The following CTNNA2 variants were observed in gnomAD, a reference collection of about 807,000 sequenced individuals.
CTNNA2 encodes the protein catenin alpha 2, also known as catenin alpha-2.
In CTNNA2, 42 loss-of-function variants were observed where a neutral mutation model predicts 101.0. The ratio of observed to expected loss-of-function variants is 0.42; its 90% CI spans 0.32 to 0.54. The LOEUF (loss-of-function observed/expected upper bound fraction) is 0.54, where lower values mean the gene tolerates loss of function less well. Among genes scored for constraint, CTNNA2 ranks in the 20% least tolerant of loss-of-function variants. CTNNA2 has a pLI of 0.14. For synonymous variants in CTNNA2, 450 were observed against 456.4 expected (o/e 0.99, Z 0.18); for missense variants, 871 against 1,223.1 (o/e 0.71, Z 4.29).
intron 18 of CTNNA2, among the ~76,000 whole-genome samples, chr2:80,642,942 G>A (rs1277746898): frequency 6.6e-6 from 1 of 152,120 alleles, no homozygotes; most frequent in African/African-American, 2.4e-5. Flanking sequence ...GTATTAAGAA[G>A]AGTAGGAATA....
At chr2:79,774,699 C>G (rs976970481) in intron 3 of CTNNA2, among the ~76,000 whole-genome samples, 2 of 152,076 alleles carry the variant, frequency 1.3e-5, no homozygotes, top group African/African-American at 4.8e-5. Flanking sequence ...TTGTGAATAT[C>G]CACAAAACAG....
intron 7 of CTNNA2, among the ~76,000 whole-genome samples, chr2:80,344,875 A>G (rs999664389): frequency 6.6e-6 from 1 of 152,102 alleles, no homozygotes; most frequent in Non-Finnish European, 1.5e-5. Context: ...TTATCCCAAA[A>G]GCCTTGGGGT....
chr2:79,743,410 TAGAAAA>T (rs1671429778), intron 2 of CTNNA2, among the ~76,000 whole-genome samples: 1 of 152,152 alleles, frequency 6.6e-6, no homozygotes, highest in African/African-American at 2.4e-5. Context: ...TTATGATACT[TAGAAAA>T]AGAGTAATAA....
intron 3 of CTNNA2, among the ~76,000 whole-genome samples, chr2:79,806,619 G>A (rs1236545118): frequency 1.3e-5 from 2 of 151,968 alleles, no homozygotes; most frequent in African/African-American, 4.8e-5. Flanking sequence ...CTCCTCCCAT[G>A]TTCTCTGGAT....
rs189388851 is a variant in CTNNA2 at position 79,268,266 on chromosome 2, C to G, written c.-405-44443C>G. Among the ~76,000 whole-genome samples the G allele has an allele frequency of 1.3e-4, 20 of 152,196 alleles. No individual in the cohort carries two copies. The East Asian group carries it at 3.9e-3, about 30-fold the overall frequency. On this transcript the variant is annotated intron_variant, in intron 2 of 21. Coordinates refer to the CTNNA2 transcript ENST00000466387. ...ATAATGGTCAGCAAGATCAGAATAA[C>G]AGAGAGGAATCTCTAGTCTGCTGGA...
chr2:79,568,935 G>A (rs954061483), intron 1 of CTNNA2, among the ~76,000 whole-genome samples: 1 of 150,262 alleles, frequency 6.7e-6, no homozygotes, highest in Non-Finnish European at 1.5e-5. Flanking sequence ...TGAGGAGGCT[G>A]ATACGGGAGG....
chr2:79,598,636 G>A (rs951785842), intron 1 of CTNNA2, among the ~76,000 whole-genome samples: 18 of 151,994 alleles, frequency 1.2e-4, no homozygotes, highest in African/African-American at 4.4e-4. Flanking sequence ...AAGGTCTTTG[G>A]CCAATTTTTA....
In CTNNA2 at chr2:79,253,814, T is replaced by C. The variant is rs188694759; in HGVS notation, c.-406+55738T>C. On this transcript the variant is annotated intron_variant, in intron 2 of 21. Coordinates refer to the CTNNA2 transcript ENST00000466387. ...TTTTACTGGGAATAAAAGAAGAGCA[T>C]GTGTATTTGTCGGTGATAGAGTTTA... Among the ~76,000 whole-genome samples, 12 of 152,328 alleles carry C rather than the reference T, an allele frequency of 7.9e-5. No individual in the cohort carries two copies. The East Asian group carries it at 1.9e-3, about 24-fold the overall frequency.
At chr2:79,885,096 A>G (rs1004099782) in intron 6 of CTNNA2, among the ~76,000 whole-genome samples, 1 of 152,126 alleles carries the variant, frequency 6.6e-6, no homozygotes, top group African/African-American at 2.4e-5. Flanking sequence ...TCAGGTTCCC[A>G]GCCCATTTAA....
intron 7 of CTNNA2, among the ~76,000 whole-genome samples, chr2:80,341,991 A>G (rs1280766844): frequency 6.6e-6 from 1 of 152,232 alleles, no homozygotes. Flanking sequence ...ACATTGTGCT[A>G]AGTAAAGGAA....
At chr2:79,244,786 T>C (rs182959556) in intron 2 of CTNNA2, among the ~76,000 whole-genome samples, 37 of 152,290 alleles carry the variant, frequency 2.4e-4, no homozygotes, top group African/African-American at 8.9e-4. Flanking sequence ...ATATAGCATT[T>C]AGAGATAGTT....
In CTNNA2 at chr2:80,470,853, A is replaced by T. The variant is rs185611020; in HGVS notation, c.1290+51252A>T. Among the ~76,000 whole-genome samples the T allele has an allele frequency of 9.8e-5, 15 of 152,318 alleles. No individual in the cohort carries two copies. In the East Asian group the frequency reaches 2.1e-3, roughly 22 times the overall value. On this transcript the variant is annotated intron_variant, in intron 9 of 18. Transcript: ENST00000402739. Reference sequence around the variant, plus strand: ...TAAGCAACTGTGTCTGGAGACAGATAAAAAAGGGGAGAAGAGTTTCATTGA... The same window carrying T: ...TAAGCAACTGTGTCTGGAGACAGATTAAAAAGGGGAGAAGAGTTTCATTGA...
At chr2:79,298,320 A>G (rs1409074945) in intron 2 of CTNNA2, among the ~76,000 whole-genome samples, 4 of 152,130 alleles carry the variant, frequency 2.6e-5, no homozygotes, top group African/African-American at 9.7e-5. Flanking sequence ...GAGTTCATTT[A>G]TTACTGCAAG....
chr2:80,249,549 C>T (rs1170879213), intron 7 of CTNNA2, among the ~76,000 whole-genome samples: 1 of 152,118 alleles, frequency 6.6e-6, no homozygotes, highest in Non-Finnish European at 1.5e-5. Context: ...ACTTAATCTT[C>T]ACCAACAAAC....
intron 7 of CTNNA2, among the ~76,000 whole-genome samples, chr2:80,113,929 T>A (rs982662532): frequency 6.6e-6 from 1 of 152,236 alleles, no homozygotes; most frequent in East Asian, 1.9e-4. Context: ...GCAATTCCTT[T>A]GCCTCTATGG....
intron 9 of CTNNA2, among the ~76,000 whole-genome samples, chr2:80,503,027 G>A (rs1441278168): frequency 6.6e-6 from 1 of 152,046 alleles, no homozygotes; most frequent in East Asian, 1.9e-4. Context: ...TTACAAATTT[G>A]CAAGGCATGG....
rs370132260 is a variant in CTNNA2, at chr2:79,669,034, C to T, written c.102+17376C>T. ...GGTGAGGTGTGTAGATGGTATCTCA[C>T]GTGGAGATCTTGCAGGGTAAACCTT... On this transcript the variant is annotated intron_variant, in intron 2 of 18. Transcript: ENST00000402739. 5.9e-5 allele frequency among the ~76,000 whole-genome samples: 9 copies of T among 152,260 alleles called. No homozygotes were observed. In the South Asian group the frequency reaches 6.2e-4, roughly 11 times the overall value.
chr2:79,356,756 G>C (rs1378355106), intron 3 of CTNNA2, among the ~76,000 whole-genome samples: 1 of 152,074 alleles, frequency 6.6e-6, no homozygotes, highest in African/African-American at 2.4e-5. Flanking sequence ...TCTATAAAAA[G>C]ATAGCACCAT....
At position 80,589,903 on chromosome 2, in the gene CTNNA2, T is replaced by TGTGTGTGTGTGC. The variant is rs1553400676; in HGVS notation, c.2189+421_2189+422insTGTGTGTGCGTG. On this transcript the variant is annotated intron_variant, in intron 15 of 18. Transcript: ENST00000402739. Reference sequence around the variant, plus strand: ...GTGTGTGTGTGTGTGTGTGTGTGTGTGTGCGCGCGCGCGCATGTATACATA... The same window carrying TGTGTGTGTGTGC: ...GTGTGTGTGTGTGTGTGTGTGTGTGTGTGTGTGTGTGCGTGCGCGCGCGCGCATGTATACATA... Among the ~76,000 whole-genome samples the TGTGTGTGTGTGC allele has an allele frequency of 5.5e-5, 8 of 144,514 alleles. No homozygotes were observed. In the East Asian group the frequency reaches 6.3e-4, roughly 11 times the overall value. The allele number at this position is 144,514 out of a possible 152,430, so 94.8% of individuals were successfully genotyped here. A position where few individuals can be genotyped will look rare whatever the true frequency, so the allele number is the denominator to read the frequency against.
Sources: allele counts gnomAD v4.1 joint callset (sites outside exome capture counted in the v4.1 genomes callset), GRCh38; gene constraint gnomAD v4.1.1; transcripts MANE v1.5; gene names NCBI Gene and HGNC (gene_info 2026-07-23, HGNC 2026-07-21).